CSMD1: variants seen among roughly 807,000 people sequenced by gnomAD.
CSMD1 encodes CUB and sushi domain-containing protein 1.
A neutral mutation model predicts 417.5 loss-of-function variants in CSMD1; 213 were observed. The observed-to-expected ratio is 0.51, with a 90% CI of 0.46 to 0.57. CSMD1 has a LOEUF of 0.57. CSMD1 is among the 20% of genes least tolerant of loss of function. The probability of loss-of-function intolerance (pLI) is 0.00; values close to 1 mark genes in which losing one functional copy is unlikely to be tolerated. For missense variants in CSMD1, 6,923 were observed against 4,529.7 expected (o/e 1.53, Z -15.17); for synonymous variants, 2,862 against 1,736.8 (o/e 1.65, Z -16.11).
intron 1 of CSMD1, among the ~76,000 whole-genome samples, chr8:4,711,315 G>C (rs566736428): frequency 6.2e-4 from 94 of 152,122 alleles, no homozygotes; most frequent in African/African-American, 2.2e-3. Context: ...ATAAACTGAA[G>C]GGCAAATTAA....
intron 50 of CSMD1, among the ~76,000 whole-genome samples, chr8:3,031,656 C>G (rs1259483669): frequency 1.3e-5 from 2 of 151,844 alleles, no homozygotes; most frequent in African/African-American, 4.8e-5. Context: ...GCTCAGCCTC[C>G]CAAAGTGCTG....
intron 2 of CSMD1, among the ~76,000 whole-genome samples, chr8:4,609,802 G>A (rs1012379054): frequency 5.9e-5 from 9 of 152,162 alleles, no homozygotes; most frequent in African/African-American, 2.2e-4. Context: ...AGATTATGGT[G>A]AGAATATACG....
chr8:3,163,853 C>T (rs780303045), intron 37 of CSMD1, among the ~76,000 whole-genome samples: 1 of 152,146 alleles, frequency 6.6e-6, no homozygotes, highest in Non-Finnish European at 1.5e-5. Context: ...CATAGCCAGG[C>T]TCCTTGTGTC....
intron 2 of CSMD1, among the ~76,000 whole-genome samples, chr8:4,471,824 A>G (rs1154077): frequency 0.018 from 2,686 of 152,258 alleles, 74 homozygotes; most frequent in African/African-American, 0.062. Context: ...AGGTGTGTCT[A>G]ATGACTACGC....
chr8:3,780,822 A>G (rs2720752), intron 5 of CSMD1, among the ~76,000 whole-genome samples: 39,471 of 152,036 alleles, frequency 0.26, 5,574 homozygotes, highest in African/African-American at 0.37. Context: ...GTGCTTTGCC[A>G]TAGAACAATT....
intron 3 of CSMD1, among the ~76,000 whole-genome samples, chr8:4,255,042 T>C (rs114318957): frequency 5.3e-5 from 8 of 152,122 alleles, no homozygotes; most frequent in African/African-American, 1.9e-4. Context: ...CATAGAGGAG[T>C]TGATCAAGCA....
intron 2 of CSMD1, among the ~76,000 whole-genome samples, chr8:4,505,837 G>A (rs945871048): frequency 1.3e-5 from 2 of 151,058 alleles, no homozygotes; most frequent in Non-Finnish European, 2.9e-5. Context: ...GTCTCACTCT[G>A]TCACCCACAA....
chr8:4,949,967 A>C (rs1262526432), intron 1 of CSMD1, among the ~76,000 whole-genome samples: 2 of 152,122 alleles, frequency 1.3e-5, no homozygotes, highest in African/African-American at 4.8e-5. Flanking sequence ...TTAAACAGTT[A>C]ATGCAAATGT....
At chr8:3,544,321 A>G (rs1160090207) in intron 10 of CSMD1, among the ~76,000 whole-genome samples, 3 of 152,240 alleles carry the variant, frequency 2.0e-5, no homozygotes, top group Non-Finnish European at 4.4e-5. Flanking sequence ...TGCAAAATAT[A>G]GTAATTCAGA....
chr8:3,654,407 C>T (rs958166423), intron 7 of CSMD1, among the ~76,000 whole-genome samples: 1 of 152,060 alleles, frequency 6.6e-6, no homozygotes, highest in East Asian at 1.9e-4. Context: ...GTAAAGTACC[C>T]TTTGGTGTAG....
chr8:4,239,495 C>T (rs183334914), intron 3 of CSMD1, among the ~76,000 whole-genome samples: 45 of 152,296 alleles, frequency 3.0e-4, no homozygotes, highest in African/African-American at 1.0e-3. Flanking sequence ...TCAGCTGCCC[C>T]ACCCCAGTCT....
At chr8:3,662,735 A>G (rs909026137) in intron 7 of CSMD1, among the ~76,000 whole-genome samples, 1 of 152,134 alleles carries the variant, frequency 6.6e-6, no homozygotes, top group African/African-American at 2.4e-5. Flanking sequence ...AAACTGACAC[A>G]GGAACAGAAA....
intron 5 of CSMD1, among the ~76,000 whole-genome samples, chr8:3,905,822 T>A (rs1421265234): frequency 6.6e-6 from 1 of 152,182 alleles, no homozygotes; most frequent in Non-Finnish European, 1.5e-5. Context: ...AGTCCAAACA[T>A]CTGGGCCTGG....
At chr8:4,158,869 C>A (rs1310113148) in intron 3 of CSMD1, among the ~76,000 whole-genome samples, 1 of 152,142 alleles carries the variant, frequency 6.6e-6, no homozygotes, top group Non-Finnish European at 1.5e-5. Flanking sequence ...AATCTCAAGT[C>A]CTCAGTTTAC....
intron 1 of CSMD1, among the ~76,000 whole-genome samples, chr8:4,823,991 CAT>C (rs1799666067): frequency 6.6e-6 from 1 of 151,778 alleles, no homozygotes; most frequent in Non-Finnish European, 1.5e-5. Context: ...TGGACACACA[CAT>C]ATACAATCAT....
At chr8:3,562,942 C>A (rs552698860) in intron 10 of CSMD1, among the ~76,000 whole-genome samples, 1 of 152,000 alleles carries the variant, frequency 6.6e-6, no homozygotes, top group Non-Finnish European at 1.5e-5. Context: ...ACCAAACCAT[C>A]CATTTAGTAA....
chr8:3,335,262 A>T (rs1446303877), intron 23 of CSMD1, among the ~76,000 whole-genome samples: 2 of 152,022 alleles, frequency 1.3e-5, no homozygotes, highest in Admixed American at 1.3e-4. Flanking sequence ...CACAGTTCCA[A>T]CCTCTCAGTC....
chr8:4,424,093 T>C (rs1797408591), intron 2 of CSMD1, among the ~76,000 whole-genome samples: 1 of 151,880 alleles, frequency 6.6e-6, no homozygotes, highest in South Asian at 2.1e-4. Flanking sequence ...ATTAGACTCT[T>C]AGGAAAAAAA....
At chr8:4,190,248 G>A (rs1329823977) in intron 3 of CSMD1, among the ~76,000 whole-genome samples, 5 of 109,356 alleles carry the variant, frequency 4.6e-5, no homozygotes, top group East Asian at 2.8e-4. Flanking sequence ...AACAAACTCC[G>A]TCTCCAAAAA....
Sources: gnomAD v4.1 joint callset for allele counts (sites outside exome capture counted in the v4.1 genomes callset) on GRCh38, gnomAD v4.1.1 for gene constraint, MANE v1.5 for transcripts, NCBI Gene and HGNC (gene_info 2026-07-23, HGNC 2026-07-21) for gene names.